LAMA4: variants seen among roughly 807,000 people sequenced by gnomAD.
LAMA4 encodes the protein laminin subunit alpha 4.
A neutral mutation model predicts 207.1 loss-of-function variants in LAMA4; 127 were observed. The observed-to-expected ratio is 0.61, with a 90% CI of 0.53 to 0.71. The LOEUF (loss-of-function observed/expected upper bound fraction) is 0.71, where lower values mean the gene tolerates loss of function less well. LAMA4 is among the 30% of genes least tolerant of loss of function. The pLI is 0.00. For missense variants in LAMA4, 2,093 were observed against 2,246.5 expected (o/e 0.93, Z 1.38); for synonymous variants, 761 against 816.0 (o/e 0.93, Z 1.15).
chr6:112,188,018 G>C (rs797039646), intron 7 of LAMA4, among the ~76,000 whole-genome samples: 5 of 152,266 alleles, frequency 3.3e-5, no homozygotes, highest in African/African-American at 1.2e-4. Flanking sequence ...GCAGGTCCCA[G>C]TTCCTCATCA....
intron 23 of LAMA4, 101 bp from the exon 24 acceptor site, chr6:112,139,392 T>G (rs1554332451): frequency 7.9e-7 from 1 of 1,259,868 alleles, no homozygotes; most frequent in African/African-American, 1.5e-5. Context: ...CTGTGGACCT[T>G]ACAACATTTA....
intron 5 of LAMA4, among the ~76,000 whole-genome samples, chr6:112,196,785 T>A (rs1554350622): frequency 6.6e-6 from 1 of 152,144 alleles, no homozygotes; most frequent in Non-Finnish European, 1.5e-5. Context: ...TAGTACCTTT[T>A]TTAAAGGAAC....
intron 21 of LAMA4, 62 bp from the exon 22 acceptor site, chr6:112,140,984 T>G (rs1183359482): frequency 2.1e-6 from 3 of 1,458,860 alleles, no homozygotes; most frequent in Non-Finnish European, 2.9e-6. Context: ...TTTTTAAATG[T>G]CAAAATGTTA....
At chr6:112,233,964 A>G (rs1785721682) in intron 2 of LAMA4, among the ~76,000 whole-genome samples, 1 of 152,124 alleles carries the variant, frequency 6.6e-6, no homozygotes, top group African/African-American at 2.4e-5. Context: ...CACATTGTAG[A>G]TAATATTGGA....
At chr6:112,171,270 G>A (rs1430012038) in intron 12 of LAMA4, among the ~76,000 whole-genome samples, 8 of 148,444 alleles carry the variant, frequency 5.4e-5, no homozygotes, top group East Asian at 2.0e-4. Context: ...TTTCTAACCC[G>A]CGAAATGGCT....
Position 112,216,419 on chromosome 6 carries a change from G to T in LAMA4, c.246C>A (p.Cys82Ter), listed in dbSNP as rs782536594. The T allele has an allele frequency of 6.2e-7, 1 of 1,613,860 alleles. No individual in the cohort carries two copies. Among genetic ancestry groups the T allele is most frequent in the Non-Finnish European group, 8.5e-7 (1 of 1,179,872 alleles). The change falls in exon 3 of 39, where the codon TGC becomes TGA. Residue 82 changes from cysteine (C) to a stop codon, truncating the protein, a stop_gained. Transcript: ENST00000230538. LOFTEE classifies it high-confidence loss of function. The stretch of plus-strand genomic sequence containing the variant: ...ACTCGTTGGAATTGCCATTACAGTC[G>T]CAGGGCACACATTCTCCCGACAGGG... ...FHTLSGECVP[C>*]DCNGNSNECL...
chr6:112,211,430 C>G (rs1217895793), intron 3 of LAMA4, among the ~76,000 whole-genome samples: 1 of 152,152 alleles, frequency 6.6e-6, no homozygotes, highest in African/African-American at 2.4e-5. Context: ...CCTATTCATT[C>G]ATTCACTTAA....
chr6:112,254,367 C>T (rs1217106516), intron 1 of LAMA4, 76 bp from the exon 2 acceptor site: 18 of 608,408 alleles, frequency 3.0e-5, no homozygotes, highest in Non-Finnish European at 4.7e-5. Context: ...CTCCCCTTCT[C>T]CCCCTCTCTC....
At chr6:112,201,765 C>G (rs1783761334) in intron 4 of LAMA4, 77 bp from the exon 5 acceptor site, 1 of 1,194,654 alleles carries the variant, frequency 8.4e-7, no homozygotes, top group South Asian at 1.2e-5. Flanking sequence ...ATCAGATTAC[C>G]TCTATGTTGG....
intron 2 of LAMA4, among the ~76,000 whole-genome samples, chr6:112,241,775 T>C (rs1786533114): frequency 1.3e-5 from 2 of 152,164 alleles, no homozygotes. Flanking sequence ...TCGGCTCTGA[T>C]AGAGAAGGAG....
At chr6:112,180,427 T>C (rs995247353) in intron 9 of LAMA4, among the ~76,000 whole-genome samples, 1 of 152,236 alleles carries the variant, frequency 6.6e-6, no homozygotes, top group African/African-American at 2.4e-5. Context: ...ATGGCTTATA[T>C]GAATGTTTAT....
In LAMA4 at chr6:112,216,470, C is replaced by A. The variant is rs1554358747; in HGVS notation, c.196-1G>T. On this transcript the variant is annotated splice_acceptor_variant, in intron 2 of 38. Coordinates refer to ENST00000230538, the MANE Select transcript of LAMA4 (RefSeq NM_001105206.3). LOFTEE classifies it high-confidence loss of function. ...TGTGAAAGAATCCAGCATTGCATTT[C>A]TGCAACAGACACACCAAACCATTTT... 6.3e-7 allele frequency: 1 copy of A among 1,599,686 alleles called. No individual in the cohort carries two copies.
chr6:112,118,277 A>G lies in LAMA4; in HGVS notation c.4822-379T>C, dbSNP rs1313029099. On this transcript the variant is annotated intron_variant, in intron 34 of 38. Transcript: ENST00000230538. The surrounding 1 kb of genome is among the most constrained non-coding windows in gnomAD (Gnocchi z 4.6). Reference sequence around the variant, plus strand: ...GCAAAGTTCTTTACTTAAATCTACCATAGCCAAATAAACAGCAGAAAGCTT... The same window carrying G: ...GCAAAGTTCTTTACTTAAATCTACCGTAGCCAAATAAACAGCAGAAAGCTT... Among the ~76,000 whole-genome samples, 14 of 152,220 alleles carry G rather than the reference A, an allele frequency of 9.2e-5. No homozygotes were observed. The highest frequency in any genetic ancestry group is 3.1e-4 in the African/African-American group (13 of 41,466).
chr6:112,253,786 A>C (rs782309728), intron 2 of LAMA4, 170 bp downstream of exon 2: 13 of 1,614,058 alleles, frequency 8.1e-6, no homozygotes, highest in Non-Finnish European at 1.0e-5. Flanking sequence ...TCCAAATGCA[A>C]CTTACAAAGG....
intron 6 of LAMA4, among the ~76,000 whole-genome samples, chr6:112,189,446 T>C (rs915314331): frequency 1.3e-5 from 2 of 152,188 alleles, no homozygotes; most frequent in Non-Finnish European, 2.9e-5. Flanking sequence ...CTAAGTTTTC[T>C]AGGATTTCTC....
At chr6:112,138,084 C>T (rs1331934675) in intron 24 of LAMA4, among the ~76,000 whole-genome samples, 3 of 152,098 alleles carry the variant, frequency 2.0e-5, no homozygotes, top group African/African-American at 7.2e-5. Flanking sequence ...ACTCTCCTAT[C>T]AGCTCTATTA....
At chr6:112,114,260 G>C in intron 37 of LAMA4, 65 bp from the exon 38 acceptor site, 5 of 1,530,220 alleles carry the variant, frequency 3.3e-6, no homozygotes, top group Middle Eastern at 1.7e-4. Context: ...ACCTGAGAAA[G>C]ACTATTTATC....
In LAMA4 at chr6:112,139,105, T is replaced by G. The variant is rs1554332298; in HGVS notation, c.3282+15A>C. The G allele has an allele frequency of 1.2e-6, 2 of 1,612,476 alleles. No individual in the cohort carries two copies. The highest frequency in any genetic ancestry group is 1.7e-6 in the Non-Finnish European group (2 of 1,178,504). On this transcript the variant is annotated intron_variant, in intron 24 of 38. Transcript: ENST00000230538. ...GAAATAAAGGAGAAGTAGTAGGACT[T>G]GTATTTTTACTCACTCCATTGACCA...
intron 4 of LAMA4, among the ~76,000 whole-genome samples, chr6:112,206,169 T>C (rs1429232420): frequency 6.6e-6 from 1 of 152,214 alleles, no homozygotes; most frequent in African/African-American, 2.4e-5. Context: ...TGAGGGATCC[T>C]TCTCAAATTT....
Sources: allele counts gnomAD v4.1 joint callset (sites outside exome capture counted in the v4.1 genomes callset), GRCh38; gene constraint gnomAD v4.1.1; non-coding constraint Gnocchi (gnomAD v3.1); transcripts MANE v1.5; gene names NCBI Gene and HGNC (gene_info 2026-07-23, HGNC 2026-07-21).